SNX31: variants seen among roughly 807,000 people sequenced by gnomAD.
SNX31 encodes sorting nexin 31, also known as sorting nexin-31.
SNX31 carries 58 observed loss-of-function variants against 65.4 expected under a neutral mutation model. The ratio of observed to expected loss-of-function variants is 0.89; its 90% CI spans 0.72 to 1.10. The LOEUF is 1.10. SNX31 is among the 50% of genes least tolerant of loss of function. SNX31 has a pLI of 0.00. For synonymous variants in SNX31, 181 were observed against 190.1 expected, an observed-to-expected ratio of 0.95 and a Z score of 0.39; for missense variants, 523 against 529.7, an observed-to-expected ratio of 0.99 and a Z score of 0.12.
In SNX31 at chr8:100,625,606, GA is replaced by G. The variant is rs1817994536; in HGVS notation, c.321+4720del. Among the ~76,000 whole-genome samples the G allele has an allele frequency of 6.6e-6, 1 of 152,192 alleles. No individual in the cohort carries two copies. Among genetic ancestry groups the G allele is most frequent in the Non-Finnish European group, 1.5e-5 (1 of 68,036 alleles). On this transcript the variant is annotated intron_variant, in intron 4 of 13. Coordinates refer to ENST00000311812, the MANE Select transcript of SNX31 (RefSeq NM_152628.4). The surrounding 1 kb of genome is among the most constrained non-coding windows in gnomAD (Gnocchi z 4.2). ...GAAGCAAACAGAAAACAATGAAAAG[GA>G]AAGCATCCTTGAAGAAACTTACAAA... is the stretch of plus-strand genomic sequence containing the variant.
intron 3 of SNX31, among the ~76,000 whole-genome samples, chr8:100,631,559 T>G (rs1231937504): frequency 6.6e-6 from 1 of 151,854 alleles, no homozygotes; most frequent in Non-Finnish European, 1.5e-5. Context: ...TGCCTCAGTC[T>G]CTCAAGTTTT....
intron 1 of SNX31, among the ~76,000 whole-genome samples, chr8:100,658,098 G>A (rs1369812788): frequency 6.6e-6 from 1 of 152,148 alleles, no homozygotes; most frequent in African/African-American, 2.4e-5. Context: ...CAGGGATCCT[G>A]ATTTAATTGT....
In SNX31 at chr8:100,576,969, C is replaced by A; in HGVS notation, c.1227+50G>T. The A allele has an allele frequency of 7.0e-7, 1 of 1,429,766 alleles. No homozygotes were observed. Among genetic ancestry groups the A allele is most frequent in the East Asian group, 2.3e-5 (1 of 43,790 alleles). The allele number at this position is 1,429,766 out of a possible 1,614,324, so 88.6% of individuals were successfully genotyped here. Reference sequence around the variant, plus strand: ...ACTTTGGTTAAAGAGGAAAAAAGATCAGATTTATCAAAATTATAATGTACC... The same window carrying A: ...ACTTTGGTTAAAGAGGAAAAAAGATAAGATTTATCAAAATTATAATGTACC... On this transcript the variant is annotated intron_variant, in intron 13 of 13. Transcript: ENST00000311812. The surrounding 1 kb of genome is among the most constrained non-coding windows in gnomAD (Gnocchi z 4.8).
intron 11 of SNX31, among the ~76,000 whole-genome samples, chr8:100,586,153 T>G (rs905629296): frequency 3.9e-5 from 6 of 152,198 alleles, no homozygotes; most frequent in African/African-American, 1.4e-4. Context: ...GCTCCTGACC[T>G]CAAGTGATCT....
intron 3 of SNX31, among the ~76,000 whole-genome samples, chr8:100,631,906 C>T (rs1166670468): frequency 6.6e-6 from 1 of 152,150 alleles, no homozygotes; most frequent in Non-Finnish European, 1.5e-5. Context: ...AGGTATTCAC[C>T]CAACTGGTAT....
intron 9 of SNX31, among the ~76,000 whole-genome samples, chr8:100,598,536 A>G (rs1210710011): frequency 2.0e-5 from 3 of 149,942 alleles, no homozygotes; most frequent in Non-Finnish European, 4.4e-5. Flanking sequence ...AAAGGTGGTG[A>G]TGAGTAAGTA....
chr8:100,651,446 C>A (rs1055029933), upstream of SNX31, among the ~76,000 whole-genome samples: 1 of 151,542 alleles, frequency 6.6e-6, no homozygotes, highest in South Asian at 2.1e-4. Context: ...TGGCCTGGAC[C>A]CTGGTTTCAC....
intron 2 of SNX31, among the ~76,000 whole-genome samples, chr8:100,643,015 AC>A (rs1327563301): frequency 6.6e-6 from 1 of 151,752 alleles, no homozygotes; most frequent in Non-Finnish European, 1.5e-5. Flanking sequence ...ACATGGCAAA[AC>A]CCCCTCTCTA....
intron 3 of SNX31, among the ~76,000 whole-genome samples, chr8:100,634,313 C>T (rs929812449): frequency 6.6e-6 from 1 of 152,322 alleles, no homozygotes; most frequent in Admixed American, 6.5e-5. Context: ...CAAGCTCTGG[C>T]ACTGCTAATA....
rs575906219 is a variant in SNX31 at position 100,635,156 on chromosome 8, G to A, written c.256+741C>T. On this transcript the variant is annotated intron_variant, in intron 3 of 13. Coordinates refer to ENST00000311812, the MANE Select transcript of SNX31 (RefSeq NM_152628.4). ...TAATTCTAACACTTTAGGAAGCTGA[G>A]GCAGGAGGATCACTTGAGCCCAGAA... Among the ~76,000 whole-genome samples the A allele has an allele frequency of 5.3e-5, 8 of 150,106 alleles. No individual in the cohort carries two copies. The South Asian group carries it at 1.7e-3, about 32-fold the overall frequency.
chr8:100,638,179 A>G (rs541948531), intron 2 of SNX31, among the ~76,000 whole-genome samples: 2 of 152,330 alleles, frequency 1.3e-5, no homozygotes, highest in South Asian at 4.1e-4. Flanking sequence ...AGTAAGTCAG[A>G]TCATTCCACT....
At chr8:100,628,206 GA>G (rs1428744926) in intron 4 of SNX31, among the ~76,000 whole-genome samples, 1 of 152,138 alleles carries the variant, frequency 6.6e-6, no homozygotes, top group Non-Finnish European at 1.5e-5. Context: ...TCTAGAACTA[GA>G]AATATCATTT....
In SNX31 at chr8:100,635,963, A is replaced by T. The variant is rs901264722; in HGVS notation, c.190T>A (p.Tyr64Asn). 1 of 1,614,168 alleles carries T rather than the reference A, an allele frequency of 6.2e-7. No homozygotes were observed. The highest frequency in any genetic ancestry group is 8.5e-7 in the Non-Finnish European group (1 of 1,180,016). ...NCLPPFPPKY[Y>N]LAMTTAMADE... ...GCCATAGCTGTGGTCATTGCCAGAT[A>T]GTACTTTGGTGGGAAGGGTGGCAGG... The change falls in exon 3 of 14, where the codon TAT (tyrosine) becomes AAT (asparagine). Residue 64 changes from tyrosine to asparagine, a missense_variant. Physicochemically the swap from Tyr to Asn is moderately radical, Grantham distance 143. Coordinates refer to ENST00000311812, the MANE Select transcript of SNX31 (RefSeq NM_152628.4).
chr8:100,605,062 C>A (rs563081057), intron 8 of SNX31, among the ~76,000 whole-genome samples: 1 of 152,224 alleles, frequency 6.6e-6, no homozygotes, highest in Admixed American at 6.5e-5. Context: ...CCGTGCCCAG[C>A]TAATTTTTGT....
rs983719815 is a variant in SNX31 at position 100,612,368 on chromosome 8, C to T, written c.524-281G>A. On this transcript the variant is annotated intron_variant, in intron 6 of 13. Transcript: ENST00000311812. The surrounding 1 kb of genome is among the most constrained non-coding windows in gnomAD (Gnocchi z 4.3). Reference sequence around the variant, plus strand: ...GACATCCAGCGCCTTCGCAGCTCACCGCAGGGCCTAGCAGCCAACCCTCTA... The same window carrying T: ...GACATCCAGCGCCTTCGCAGCTCACTGCAGGGCCTAGCAGCCAACCCTCTA... Among the ~76,000 whole-genome samples, 2 of 152,158 alleles carry T rather than the reference C, an allele frequency of 1.3e-5. No homozygotes were observed. Among genetic ancestry groups the T allele is most frequent in the South Asian group, 2.1e-4 (1 of 4,820 alleles).
At chr8:100,624,556 T>G (rs1051766156) in intron 4 of SNX31, among the ~76,000 whole-genome samples, 5 of 152,212 alleles carry the variant, frequency 3.3e-5, no homozygotes, top group Admixed American at 1.3e-4. Context: ...AGAGGAGAAT[T>G]GATGGCATCA....
At chr8:100,639,152 A>G (rs1188543898) in intron 2 of SNX31, among the ~76,000 whole-genome samples, 1 of 152,250 alleles carries the variant, frequency 6.6e-6, no homozygotes, top group Non-Finnish European at 1.5e-5. Context: ...CATTAGTCAA[A>G]ATTACAACAG....
In SNX31 at chr8:100,612,216, A is replaced by C; in HGVS notation, c.524-129T>G. On this transcript the variant is annotated intron_variant, in intron 6 of 13. Coordinates refer to ENST00000311812, the MANE Select transcript of SNX31 (RefSeq NM_152628.4). The surrounding 1 kb of genome is among the most constrained non-coding windows in gnomAD (Gnocchi z 4.3). ...AAATCACAGTAAGAATATCCTCTGT[A>C]TTTACACGTAATTTTAACTTTCTGA... The C allele has an allele frequency of 1.7e-6, 1 of 599,942 alleles. No homozygotes were observed. The highest frequency in any genetic ancestry group is 2.3e-5 in the South Asian group (1 of 43,056). The allele number at this position is 599,942 out of a possible 1,614,324, so 37.2% of individuals were successfully genotyped here. A position where few individuals can be genotyped will look rare whatever the true frequency, so the allele number is the denominator to read the frequency against.
Position 100,578,366 on chromosome 8 carries a change from C to G in SNX31, c.1171-1291G>C, listed in dbSNP as rs140804132. On this transcript the variant is annotated intron_variant, in intron 12 of 13. Transcript: ENST00000311812. This position sits in a 1 kb window ranked among gnomAD's most constrained non-coding sequence, Gnocchi z 4.7. Reference sequence around the variant, plus strand: ...CAATTGTCAACGTCTCTGTATTAATCGCCTTTCTCCTCCAACATATTAGCT... The same window carrying G: ...CAATTGTCAACGTCTCTGTATTAATGGCCTTTCTCCTCCAACATATTAGCT... 5.1e-3 allele frequency among the ~76,000 whole-genome samples: 780 copies of G among 152,310 alleles called. 7 individuals are homozygous for G. The highest frequency in any genetic ancestry group is 0.024 in the Middle Eastern group (7 of 294).
Sources: gnomAD v4.1 joint callset for allele counts (sites outside exome capture counted in the v4.1 genomes callset) on GRCh38, gnomAD v4.1.1 for gene constraint, Gnocchi (gnomAD v3.1) non-coding constraint, MANE v1.5 for transcripts, NCBI Gene and HGNC (gene_info 2026-07-23, HGNC 2026-07-21) for gene names.